The following GAS2 variants were observed in gnomAD, a reference collection of about 807,000 sequenced individuals.
The protein encoded by GAS2 is growth arrest-specific protein 2.
Under a neutral mutation model 37.5 loss-of-function variants are expected in GAS2, and 20 were observed. That is an observed-to-expected ratio of 0.53 (90% confidence interval 0.37 to 0.77). The LOEUF is 0.77. Among genes scored for constraint, GAS2 ranks in the 30% least tolerant of loss-of-function variants. GAS2 has a pLI of 0.00. For missense variants in GAS2, 336 were observed against 373.4 expected, an observed-to-expected ratio of 0.90 and a Z score of 0.82; for synonymous variants, 144 against 132.2, an observed-to-expected ratio of 1.09 and a Z score of -0.61.
chr11:22,736,832 CTCTT>C (rs143144646), intron 4 of GAS2, among the ~76,000 whole-genome samples: 21,153 of 151,884 alleles, frequency 0.14, 1,621 homozygotes, highest in East Asian at 0.19. Flanking sequence ...TTTCCAATCT[CTCTT>C]ATCTTTATTC....
intron 2 of GAS2, among the ~76,000 whole-genome samples, chr11:22,682,697 G>A (rs1195012417): frequency 6.6e-6 from 1 of 151,786 alleles, no homozygotes; most frequent in African/African-American, 2.4e-5. Flanking sequence ...GGCCAACATG[G>A]TGAAACCCTG....
At chr11:22,720,425 T>G (rs1851892356) in intron 3 of GAS2, among the ~76,000 whole-genome samples, 1 of 152,066 alleles carries the variant, frequency 6.6e-6, no homozygotes, top group Non-Finnish European at 1.5e-5. Context: ...AACATTTCTA[T>G]AATTTTTATC....
intron 1 of GAS2, among the ~76,000 whole-genome samples, chr11:22,654,050 A>G (rs1848828527): frequency 6.6e-6 from 1 of 152,228 alleles, no homozygotes; most frequent in Non-Finnish European, 1.5e-5. Context: ...TTGAATGTTC[A>G]GGTTTTCCCA....
At chr11:22,750,605 T>C (rs1194557333) in intron 6 of GAS2, among the ~76,000 whole-genome samples, 1 of 152,118 alleles carries the variant, frequency 6.6e-6, no homozygotes, top group African/African-American at 2.4e-5. Context: ...ATTGGTCATA[T>C]ACCTTGCTTT....
intron 3 of GAS2, among the ~76,000 whole-genome samples, chr11:22,689,822 G>A (rs967447131): frequency 6.6e-5 from 10 of 152,158 alleles, no homozygotes; most frequent in Non-Finnish European, 1.3e-4. Context: ...TTTTACACGT[G>A]TGTACACTCA....
intron 7 of GAS2, among the ~76,000 whole-genome samples, chr11:22,762,257 C>T (rs563344638): frequency 6.6e-6 from 1 of 152,182 alleles, no homozygotes; most frequent in East Asian, 1.9e-4. Context: ...GACTGGAAAA[C>T]CTTTAAAGAA....
intron 3 of GAS2, among the ~76,000 whole-genome samples, chr11:22,699,662 T>C (rs1209990359): frequency 6.6e-6 from 1 of 152,124 alleles, no homozygotes; most frequent in African/African-American, 2.4e-5. Context: ...TGGGTTGAAA[T>C]CATAACTCCT....
At position 22,703,151 on chromosome 11, in the gene GAS2, A is replaced by G. The variant is rs1850932853; in HGVS notation, c.267+17362A>G. Among the ~76,000 whole-genome samples, 3 of 152,130 alleles carry G rather than the reference A, an allele frequency of 2.0e-5. No individual in the cohort carries two copies. The South Asian group carries it at 6.2e-4, about 32-fold the overall frequency. ...TTTTTCATCTACGTGATTTCCTAGC[A>G]CCAGCGCAGTGTTGTCCCTTGAGCA... On this transcript the variant is annotated intron_variant, in intron 3 of 7. Transcript: ENST00000454584.
chr11:22,655,850 C>G (rs1344173920), intron 1 of GAS2, among the ~76,000 whole-genome samples: 1 of 152,104 alleles, frequency 6.6e-6, no homozygotes, highest in Non-Finnish European at 1.5e-5. Flanking sequence ...TGAAAATTAG[C>G]ACAATATTTA....
intron 1 of GAS2, among the ~76,000 whole-genome samples, chr11:22,651,651 T>C (rs888067255): frequency 2.6e-5 from 4 of 152,188 alleles, no homozygotes; most frequent in East Asian, 3.8e-4. Context: ...CTTCCCTTCT[T>C]ACTTCATTTC....
chr11:22,702,994 T>G (rs1850924468), intron 3 of GAS2, among the ~76,000 whole-genome samples: 1 of 152,168 alleles, frequency 6.6e-6, no homozygotes, highest in Non-Finnish European at 1.5e-5. Flanking sequence ...TAAATAACAG[T>G]TGCATTAAAG....
chr11:22,756,351 C>T (rs1753226455), intron 7 of GAS2, among the ~76,000 whole-genome samples: 1 of 151,938 alleles, frequency 6.6e-6, no homozygotes, highest in Non-Finnish European at 1.5e-5. Context: ...TAGAAATCTG[C>T]AGTTGTAAAT....
intron 7 of GAS2, among the ~76,000 whole-genome samples, chr11:22,763,848 A>G (rs914622379): frequency 6.6e-6 from 1 of 152,174 alleles, no homozygotes; most frequent in African/African-American, 2.4e-5. Context: ...ATATTTCCAA[A>G]CTCAGTTCTC....
At position 22,695,575 on chromosome 11, in the gene GAS2, G is replaced by A. The variant is rs550670340; in HGVS notation, c.267+9786G>A. 5.3e-5 allele frequency among the ~76,000 whole-genome samples: 8 copies of A among 152,164 alleles called. No individual in the cohort carries two copies. The South Asian group carries it at 8.3e-4, about 16-fold the overall frequency. Reference sequence around the variant, plus strand: ...TAAGAATGTTAATCCCTTCTCATCTGAGACCAGGATCTGGCAAGGGGACAG... The same window carrying A: ...TAAGAATGTTAATCCCTTCTCATCTAAGACCAGGATCTGGCAAGGGGACAG... On this transcript the variant is annotated intron_variant, in intron 3 of 7. Coordinates refer to ENST00000454584, the MANE Select transcript of GAS2 (RefSeq NM_001143830.3).
At chr11:22,630,095 T>C (rs337479) in intron 1 of GAS2, among the ~76,000 whole-genome samples, 148,164 of 152,184 alleles carry the variant, frequency 0.97, 72,266 homozygotes, top group East Asian at 1. Flanking sequence ...ATGTGCACAA[T>C]GTGCAGGTTT....
At chr11:22,706,477 C>T (rs1851126797) in intron 3 of GAS2, among the ~76,000 whole-genome samples, 1 of 152,094 alleles carries the variant, frequency 6.6e-6, no homozygotes, top group Non-Finnish European at 1.5e-5. Context: ...AATGCTATCC[C>T]TCCCCGCTCC....
chr11:22,779,777 T>C (rs753036870), intron 7 of GAS2, among the ~76,000 whole-genome samples: 11 of 152,130 alleles, frequency 7.2e-5, no homozygotes, highest in Admixed American at 1.3e-4. Context: ...ATGTACCTCC[T>C]TTCTCTATCC....
intron 1 of GAS2, among the ~76,000 whole-genome samples, chr11:22,640,952 A>AAGTT (rs1183476410): frequency 5.4e-4 from 82 of 152,040 alleles, no homozygotes; most frequent in African/African-American, 1.8e-3. Flanking sequence ...GGGAGAAAGT[A>AAGTT]AGTTAGTTAA....
intron 4 of GAS2, among the ~76,000 whole-genome samples, chr11:22,731,582 G>T (rs924489715): frequency 1.3e-5 from 2 of 151,672 alleles, no homozygotes; most frequent in Non-Finnish European, 3.0e-5. Context: ...TGCTTCAGGG[G>T]CAAACATTGT....
Sources: gnomAD v4.1 joint callset for allele counts (sites outside exome capture counted in the v4.1 genomes callset) on GRCh38, gnomAD v4.1.1 for gene constraint, MANE v1.5 for transcripts, NCBI Gene and HGNC (gene_info 2026-07-23, HGNC 2026-07-21) for gene names.